The following PCDH15 variants were observed in gnomAD, a reference collection of about 807,000 sequenced individuals.
The protein encoded by PCDH15 is protocadherin related 15.
A neutral mutation model predicts 178.5 loss-of-function variants in PCDH15; 129 were observed. That is an observed-to-expected ratio of 0.72 (90% CI 0.63 to 0.84). The LOEUF is 0.84. Ranked by LOEUF, PCDH15 falls within the 40% of genes least tolerant of loss-of-function variation. The probability of loss-of-function intolerance (pLI) is 0.00; values close to 1 mark genes in which losing one functional copy is unlikely to be tolerated. For missense variants in PCDH15, 2,230 were observed against 2,099.9 expected (o/e 1.06, Z -1.21); for synonymous variants, 800 against 732.0 (o/e 1.09, Z -1.50).
chr10:53,872,225 A>G (rs942216192), intron 26 of PCDH15, among the ~76,000 whole-genome samples: 16 of 152,162 alleles, frequency 1.1e-4, no homozygotes, highest in Admixed American at 1.0e-3. Flanking sequence ...TTTTTAAAGT[A>G]TTAGGCATGA....
intron 23 of PCDH15, among the ~76,000 whole-genome samples, chr10:53,950,386 C>A (rs1432378699): frequency 1.3e-5 from 2 of 151,940 alleles, no homozygotes; most frequent in Admixed American, 1.3e-4. Context: ...ATGAATGTGA[C>A]ACTAAATCAT....
chr10:54,241,867 GTTTAAGAACCTTAAAATTATTATTTTAAT>G lies in PCDH15; in HGVS notation c.877-4965_877-4937del, dbSNP rs944709073. On this transcript the variant is annotated intron_variant, in intron 8 of 37. Coordinates refer to ENST00000644397, the MANE Select transcript of PCDH15 (RefSeq NM_001384140.1). ...TGTGAAAATACTGTGTAATTATATG[GTTTAAGAACCTTAAAATTATTATTTTAAT>G]TTTAAGAACCTTAAAATTATTCTAT... 6.0e-4 allele frequency among the ~76,000 whole-genome samples: 91 copies of G among 150,784 alleles called. No homozygotes were observed. The East Asian group carries it at 0.012, about 21-fold the overall frequency.
At chr10:54,082,238 C>G (rs1052383030) in intron 16 of PCDH15, among the ~76,000 whole-genome samples, 4 of 152,134 alleles carry the variant, frequency 2.6e-5, no homozygotes, top group African/African-American at 9.7e-5. Context: ...TTGGAAATCA[C>G]TCAAAGCAGA....
At chr10:55,074,978 T>G (rs181375504) in intron 2 of PCDH15, among the ~76,000 whole-genome samples, 76 of 152,262 alleles carry the variant, frequency 5.0e-4, no homozygotes, top group Middle Eastern at 3.4e-3. Flanking sequence ...GGGGAATGCT[T>G]TCCCTATTGC....
intron 3 of PCDH15, among the ~76,000 whole-genome samples, chr10:54,440,543 G>A (rs1434615793): frequency 6.6e-6 from 1 of 151,662 alleles, no homozygotes; most frequent in Non-Finnish European, 1.5e-5. Context: ...AAATTTTGTG[G>A]ATATTCTTTT....
chr10:54,007,710 A>C (rs1479666350), intron 20 of PCDH15, among the ~76,000 whole-genome samples: 3 of 152,124 alleles, frequency 2.0e-5, no homozygotes, highest in Non-Finnish European at 4.4e-5. Flanking sequence ...TCTTGCTCCA[A>C]TTTTAAACAG....
chr10:54,669,242 T>A (rs72794510), intron 1 of PCDH15, among the ~76,000 whole-genome samples: 1,834 of 152,168 alleles, frequency 0.012, 29 homozygotes, highest in Admixed American at 0.04. Context: ...GTTCCTTTTT[T>A]AAAATGTGTA....
rs756115225 is a variant in PCDH15 at position 53,939,084 on chromosome 10, G to A, written c.3233-129C>T. ...TATAACTAGAGTGATGCATGAAAGTGACAAAATGCTGGCTTTTGGAAACTG... is the reference window on the plus strand; with the variant it reads ...TATAACTAGAGTGATGCATGAAAGTAACAAAATGCTGGCTTTTGGAAACTG... On this transcript the variant is annotated intron_variant, in intron 24 of 37. Transcript: ENST00000644397. 1.9e-4 allele frequency: 164 copies of A among 877,994 alleles called. 2 individuals are homozygous for A. The highest frequency in any genetic ancestry group is 4.1e-4 in the Admixed American group (19 of 45,936). 54.4% of individuals were successfully genotyped at this position (877,994 alleles called of 1,614,324 possible).
intron 8 of PCDH15, among the ~76,000 whole-genome samples, chr10:54,295,848 T>C (rs2059725653): frequency 6.6e-6 from 1 of 152,044 alleles, no homozygotes; most frequent in South Asian, 2.1e-4. Flanking sequence ...TGTCGGTCAG[T>C]TAAAAGTGGT....
chr10:53,882,577 G>A (rs2080805061), intron 26 of PCDH15, among the ~76,000 whole-genome samples: 1 of 152,074 alleles, frequency 6.6e-6, no homozygotes, highest in Non-Finnish European at 1.5e-5. Flanking sequence ...TGGCCAGTCT[G>A]GTCTCGAACT....
At chr10:55,549,622 C>G (rs1389961267) in intron 2 of PCDH15, among the ~76,000 whole-genome samples, 1 of 152,170 alleles carries the variant, frequency 6.6e-6, no homozygotes, top group African/African-American at 2.4e-5. Flanking sequence ...ATTTATTTTC[C>G]TTTGCCTTTC....
At chr10:54,267,853 C>G (rs56082616) in intron 8 of PCDH15, among the ~76,000 whole-genome samples, 26,426 of 151,640 alleles carry the variant, frequency 0.17, 2,536 homozygotes, top group South Asian at 0.24. Flanking sequence ...CTTTACTGCC[C>G]GAAGCAATCT....
At chr10:54,406,057 C>G (rs73236794) in intron 3 of PCDH15, among the ~76,000 whole-genome samples, 1 of 151,938 alleles carries the variant, frequency 6.6e-6, no homozygotes, top group Non-Finnish European at 1.5e-5. Flanking sequence ...GAATTAAAGG[C>G]AGACATCCAA....
At position 53,857,240 on chromosome 10, in the gene PCDH15, A is replaced by G. The variant is rs2133039242; in HGVS notation, c.3741T>C (p.Asp1247=). Residue 1247 remains aspartate (D), a synonymous_variant, in exon 28 of 38, where the codon GAT becomes GAC. Coordinates refer to ENST00000644397, the MANE Select transcript of PCDH15 (RefSeq NM_001384140.1). ...DVLVSVVNQL[D]MQVIVSNVPP... is the part of the protein sequence containing the mutation. The stretch of plus-strand genomic sequence containing the variant: ...GCACATTGGAAACAATGACTTGCAT[A>G]TCCAGCTGATTGACCACGGAGACCT... The G allele has an allele frequency of 3.7e-6, 6 of 1,611,818 alleles. No homozygotes were observed. Among genetic ancestry groups the G allele is most frequent in the Non-Finnish European group, 5.1e-6 (6 of 1,178,244 alleles).
chr10:54,765,356 C>A (rs970128288), intron 1 of PCDH15, among the ~76,000 whole-genome samples: 5 of 151,988 alleles, frequency 3.3e-5, no homozygotes, highest in African/African-American at 9.7e-5. Context: ...AATTCTCAAA[C>A]CTGTTTAGTG....
At chr10:54,498,520 A>C (rs1324330575) in intron 3 of PCDH15, among the ~76,000 whole-genome samples, 2 of 152,136 alleles carry the variant, frequency 1.3e-5, no homozygotes, top group Non-Finnish European at 2.9e-5. Context: ...GCAAGACCTA[A>C]TGGTATGCTA....
chr10:54,484,189 A>T lies in PCDH15; in HGVS notation c.157+43623T>A, dbSNP rs564446033. ...ACAGTGATGATTCTTTGTGAAGAGA[A>T]AAAATATACATACACCTCTATAATG... On this transcript the variant is annotated intron_variant, in intron 3 of 37. Transcript: ENST00000644397. 2.6e-5 allele frequency among the ~76,000 whole-genome samples: 4 copies of T among 152,048 alleles called. No homozygotes were observed. The South Asian group carries it at 8.3e-4, about 32-fold the overall frequency.
intron 2 of PCDH15, among the ~76,000 whole-genome samples, chr10:55,613,828 A>G (rs1470908344): frequency 2.0e-5 from 3 of 152,192 alleles, no homozygotes; most frequent in Admixed American, 2.0e-4. Context: ...TAGCCATTTA[A>G]AACTAAAAGA....
At chr10:54,793,984 T>A (rs959856985) in intron 1 of PCDH15, among the ~76,000 whole-genome samples, 1 of 148,628 alleles carries the variant, frequency 6.7e-6, no homozygotes, top group Non-Finnish European at 1.5e-5. Context: ...TTTTTCATTA[T>A]ACTCACAATT....
Sources: gnomAD v4.1 joint callset for allele counts (sites outside exome capture counted in the v4.1 genomes callset) on GRCh38, gnomAD v4.1.1 for gene constraint, MANE v1.5 for transcripts, NCBI Gene and HGNC (gene_info 2026-07-23, HGNC 2026-07-21) for gene names.